Variants in STX18 observed in about 807,000 individuals in gnomAD.
STX18 encodes the protein syntaxin 18, also known as syntaxin-18.
Under a neutral mutation model 50.1 loss-of-function variants are expected in STX18, and 40 were observed. The ratio of observed to expected loss-of-function variants is 0.80; its 90% CI spans 0.62 to 1.04. The LOEUF (loss-of-function observed/expected upper bound fraction) is 1.04, where lower values mean the gene tolerates loss of function less well. Ranked by LOEUF, STX18 falls within the 50% of genes least tolerant of loss-of-function variation. The pLI, the probability that STX18 is intolerant of heterozygous loss-of-function variation, is 0.00. For synonymous variants in STX18, 158 were observed against 151.8 expected, an observed-to-expected ratio of 1.04 and a Z score of -0.30; for missense variants, 410 against 415.8, an observed-to-expected ratio of 0.99 and a Z score of 0.12.
At position 4,420,525 on chromosome 4, in the gene STX18, G is replaced by T; in HGVS notation, c.912+339C>A. On this transcript the variant is annotated intron_variant, in intron 10 of 10. Coordinates refer to ENST00000306200, the MANE Select transcript of STX18 (RefSeq NM_016930.4). The surrounding 1 kb of genome is among the most constrained non-coding windows in gnomAD (Gnocchi z 4.3). ...AGGATGGCTGTAGTGTCCTCTGTAA[G>T]CAGGGGCCAGGCTCTGACCCCTCGG... The T allele has an allele frequency of 2.5e-6, 1 of 396,492 alleles. No homozygotes were observed. The highest frequency in any genetic ancestry group is 3.5e-5 in the South Asian group (1 of 28,434). The allele number at this position is 396,492 out of a possible 1,614,324, so 24.6% of individuals were successfully genotyped here. A position where few individuals can be genotyped will look rare whatever the true frequency, so the allele number is the denominator to read the frequency against.
At chr4:4,528,701 C>T (rs1730930893) in intron 1 of STX18, among the ~76,000 whole-genome samples, 2 of 152,208 alleles carry the variant, frequency 1.3e-5, no homozygotes, top group Admixed American at 1.3e-4. Context: ...GAACTGCCTG[C>T]TGCTGGCTCA....
chr4:4,512,142 G>C (rs1163821116), intron 1 of STX18, among the ~76,000 whole-genome samples: 1 of 152,034 alleles, frequency 6.6e-6, no homozygotes, highest in Non-Finnish European at 1.5e-5. Flanking sequence ...GATACAGCTA[G>C]CCTCTGCAAC....
intron 1 of STX18, among the ~76,000 whole-genome samples, chr4:4,505,385 T>C (rs911489530): frequency 2.0e-5 from 3 of 152,166 alleles, no homozygotes; most frequent in African/African-American, 7.2e-5. Context: ...TATGGGTTGT[T>C]TACCCTCATA....
At chr4:4,537,635 T>C (rs893763459) in intron 1 of STX18, among the ~76,000 whole-genome samples, 1 of 152,210 alleles carries the variant, frequency 6.6e-6, no homozygotes. Context: ...TTCAGGTTAA[T>C]TTACATTAGG....
At chr4:4,456,186 G>A (rs1727055760) in intron 5 of STX18, among the ~76,000 whole-genome samples, 1 of 151,902 alleles carries the variant, frequency 6.6e-6, no homozygotes, top group Non-Finnish European at 1.5e-5. Context: ...AGGCTAAAGT[G>A]GGAGGATTGT....
chr4:4,462,729 C>T (rs562972118), intron 2 of STX18, among the ~76,000 whole-genome samples: 13 of 152,038 alleles, frequency 8.6e-5, no homozygotes, highest in Admixed American at 2.0e-4. Context: ...TAGAATGAGG[C>T]GATGTACCTA....
chr4:4,541,529 G>A (rs1022316746), intron 1 of STX18, among the ~76,000 whole-genome samples: 1 of 152,160 alleles, frequency 6.6e-6, no homozygotes, highest in African/African-American at 2.4e-5. Context: ...GCACTTTCCA[G>A]ATAGAGATTT....
At chr4:4,490,663 C>T (rs1728901962) in intron 1 of STX18, among the ~76,000 whole-genome samples, 1 of 152,056 alleles carries the variant, frequency 6.6e-6, no homozygotes, top group Non-Finnish European at 1.5e-5. Context: ...GGCACAGAGG[C>T]TCCTATAACA....
intron 1 of STX18, among the ~76,000 whole-genome samples, chr4:4,503,035 G>A (rs1328290762): frequency 4.6e-5 from 7 of 152,152 alleles, no homozygotes; most frequent in Admixed American, 4.6e-4. Context: ...CACAAGTCAA[G>A]GGCTCCCAAT....
rs79445343 is a variant in STX18, at chr4:4,456,281, A to G, written c.497+910T>C. On this transcript the variant is annotated intron_variant, in intron 5 of 10. Transcript: ENST00000306200. ...TCAAAAACAAAAAAAACAAAAAAAA[A>G]CAAAAAAGAAAATGTGTCCCCAAAC... Among the ~76,000 whole-genome samples, 840 of 152,166 alleles carry G rather than the reference A, an allele frequency of 5.5e-3. 12 individuals are homozygous for G. Among genetic ancestry groups the G allele is most frequent in the African/African-American group, 0.019 (768 of 41,482 alleles).
At chr4:4,497,124 C>T (rs1398748377) in intron 1 of STX18, among the ~76,000 whole-genome samples, 1 of 152,166 alleles carries the variant, frequency 6.6e-6, no homozygotes, top group Non-Finnish European at 1.5e-5. Flanking sequence ...GGACACTGTC[C>T]AGGCTCCCCC....
chr4:4,439,081 TACC>T (rs1171361985), intron 5 of STX18, among the ~76,000 whole-genome samples: 13 of 147,750 alleles, frequency 8.8e-5, no homozygotes, highest in Admixed American at 2.0e-4. Context: ...CACACATATA[TACC>T]ACCACACATA....
chr4:4,488,004 T>C (rs990781649), intron 1 of STX18, among the ~76,000 whole-genome samples: 1 of 152,138 alleles, frequency 6.6e-6, no homozygotes, highest in Non-Finnish European at 1.5e-5. Context: ...CTAAAATTTG[T>C]GGTCATGATG....
intron 1 of STX18, among the ~76,000 whole-genome samples, chr4:4,522,665 C>T (rs1730559830): frequency 6.6e-6 from 1 of 152,090 alleles, no homozygotes; most frequent in African/African-American, 2.4e-5. Flanking sequence ...TAAATAAAAG[C>T]TGTATGCTAT....
chr4:4,540,994 C>T (rs557615546), intron 1 of STX18, among the ~76,000 whole-genome samples: 3 of 152,242 alleles, frequency 2.0e-5, no homozygotes, highest in African/African-American at 7.2e-5. Context: ...CTGTAGGCCC[C>T]ACAAAACCTA....
At chr4:4,473,291 C>CTTT (rs565584459) in intron 1 of STX18, among the ~76,000 whole-genome samples, 1 of 134,676 alleles carries the variant, frequency 7.4e-6, no homozygotes, top group African/African-American at 2.8e-5. Context: ...GGAAATCTGA[C>CTTT]TTTTTTTTTT....
At chr4:4,452,561 G>C (rs922387721) in intron 5 of STX18, among the ~76,000 whole-genome samples, 4 of 152,160 alleles carry the variant, frequency 2.6e-5, no homozygotes, top group African/African-American at 9.7e-5. Flanking sequence ...CTTGGGCATG[G>C]TGGCACATGC....
At chr4:4,531,530 C>T (rs1364420892) in intron 1 of STX18, among the ~76,000 whole-genome samples, 1 of 152,140 alleles carries the variant, frequency 6.6e-6, no homozygotes, top group Non-Finnish European at 1.5e-5. Context: ...CAATGGCTCT[C>T]GAGGCCTCTG....
intron 1 of STX18, among the ~76,000 whole-genome samples, chr4:4,508,467 C>T (rs754262061): frequency 6.6e-6 from 1 of 151,898 alleles, no homozygotes; most frequent in African/African-American, 2.4e-5. Context: ...TACTTGGAGA[C>T]CAGGAGTGCC....
Sources: gnomAD v4.1 joint callset for allele counts (sites outside exome capture counted in the v4.1 genomes callset) on GRCh38, gnomAD v4.1.1 for gene constraint, Gnocchi (gnomAD v3.1) non-coding constraint, MANE v1.5 for transcripts, NCBI Gene and HGNC (gene_info 2026-07-23, HGNC 2026-07-21) for gene names.